Variants in ALK observed in about 807,000 individuals in gnomAD.
The protein encoded by ALK is ALK tyrosine kinase receptor.
Under a neutral mutation model 163.1 loss-of-function variants are expected in ALK, and 74 were observed. The observed-to-expected ratio is 0.45, with a 90% CI of 0.38 to 0.55. The LOEUF is 0.55. Ranked by LOEUF, ALK falls within the 20% of genes least tolerant of loss-of-function variation. The probability of loss-of-function intolerance (pLI) is 0.00; values close to 1 mark genes in which losing one functional copy is unlikely to be tolerated. For synonymous variants in ALK, 960 were observed against 843.2 expected (o/e 1.14, Z -2.40); for missense variants, 2,063 against 2,105.3 (o/e 0.98, Z 0.39).
intron 3 of ALK, among the ~76,000 whole-genome samples, chr2:29,640,161 T>C (rs1676661680): frequency 2.0e-5 from 3 of 152,184 alleles, no homozygotes; most frequent in African/African-American, 7.2e-5. Flanking sequence ...ACCTGGTGGA[T>C]TCTCAAACAT....
intron 1 of ALK, among the ~76,000 whole-genome samples, chr2:29,907,482 T>A (rs1249092978): frequency 2.6e-5 from 4 of 152,230 alleles, no homozygotes; most frequent in African/African-American, 4.8e-5. Context: ...ACTCCGTGAA[T>A]TGCTCTTGGT....
chr2:29,814,865 G>T (rs1264280803), intron 1 of ALK, among the ~76,000 whole-genome samples: 1 of 151,722 alleles, frequency 6.6e-6, no homozygotes. Flanking sequence ...TACTTACAGT[G>T]CCTAGCAACT....
chr2:29,351,421 G>A (rs1293460138), intron 5 of ALK, among the ~76,000 whole-genome samples: 2 of 152,092 alleles, frequency 1.3e-5, no homozygotes, highest in African/African-American at 2.4e-5. Context: ...AGACAAAAGC[G>A]TTAACTGCAT....
At chr2:29,271,620 C>G (rs938521994) in intron 11 of ALK, among the ~76,000 whole-genome samples, 1 of 152,214 alleles carries the variant, frequency 6.6e-6, no homozygotes, top group African/African-American at 2.4e-5. Flanking sequence ...ACATTAACCC[C>G]CCTCATCTGC....
chr2:29,903,482 T>A (rs1355226085), intron 1 of ALK, among the ~76,000 whole-genome samples: 4 of 152,118 alleles, frequency 2.6e-5, no homozygotes, highest in African/African-American at 9.7e-5. Flanking sequence ...GTCCCAACCC[T>A]AACATAAACC....
intron 4 of ALK, among the ~76,000 whole-genome samples, chr2:29,438,416 G>A (rs1281592743): frequency 1.3e-5 from 2 of 152,206 alleles, no homozygotes; most frequent in East Asian, 3.8e-4. Context: ...ATTGGAGATT[G>A]CAGGTGAGAA....
chr2:29,868,824 G>A (rs549520248), intron 1 of ALK, among the ~76,000 whole-genome samples: 4 of 149,522 alleles, frequency 2.7e-5, no homozygotes, highest in East Asian at 2.0e-4. Context: ...ACTTGTGACC[G>A]TGGCAGAGTT....
intron 3 of ALK, among the ~76,000 whole-genome samples, chr2:29,665,793 T>A (rs1208743461): frequency 6.6e-6 from 1 of 152,166 alleles, no homozygotes; most frequent in Non-Finnish European, 1.5e-5. Flanking sequence ...AAGCCTGGGA[T>A]TGGAACCTAC....
intron 1 of ALK, among the ~76,000 whole-genome samples, chr2:29,792,132 C>T (rs1399559741): frequency 6.6e-6 from 1 of 152,092 alleles, no homozygotes; most frequent in Non-Finnish European, 1.5e-5. Context: ...TAGTTTTAAC[C>T]TTTTTTGTTA....
chr2:29,404,835 G>A (rs1290489966), intron 4 of ALK, among the ~76,000 whole-genome samples: 1 of 152,182 alleles, frequency 6.6e-6, no homozygotes, highest in Non-Finnish European at 1.5e-5. Flanking sequence ...AGAGAAAACT[G>A]AAGAAAGATG....
At chr2:29,630,899 C>T (rs540024515) in intron 3 of ALK, among the ~76,000 whole-genome samples, 1 of 152,162 alleles carries the variant, frequency 6.6e-6, no homozygotes, top group Admixed American at 6.6e-5. Flanking sequence ...CATTACTCAT[C>T]CCTCTCTATA....
chr2:29,372,012 A>C lies in ALK; in HGVS notation c.1282+11720T>G, dbSNP rs560051068. On this transcript the variant is annotated intron_variant, in intron 5 of 28. Coordinates refer to ENST00000389048, the MANE Select transcript of ALK (RefSeq NM_004304.5). ...ATCTTAACATTTGCGTGCAGTTTGC[A>C]TTGGAACTCAATACATAGCCATGCT... Among the ~76,000 whole-genome samples, 37 of 152,354 alleles carry C rather than the reference A, an allele frequency of 2.4e-4. No individual in the cohort carries two copies. The East Asian group carries it at 3.7e-3, about 15-fold the overall frequency.
intron 3 of ALK, among the ~76,000 whole-genome samples, chr2:29,576,260 C>T (rs1407242094): frequency 6.6e-6 from 1 of 152,190 alleles, no homozygotes; most frequent in Non-Finnish European, 1.5e-5. Context: ...TACAAGTGTG[C>T]TTGTCAACAA....
intron 1 of ALK, among the ~76,000 whole-genome samples, chr2:29,914,683 C>T (rs1667786307): frequency 6.6e-6 from 1 of 152,216 alleles, no homozygotes; most frequent in African/African-American, 2.4e-5. Flanking sequence ...AGCTGGGCCT[C>T]AATGATTTCA....
Position 29,857,694 on chromosome 2 carries a change from G to T in ALK, c.667+62299C>A, listed in dbSNP as rs73922320. Among the ~76,000 whole-genome samples the T allele has an allele frequency of 8.2e-3, 1,250 of 152,300 alleles. 10 individuals are homozygous for T. The highest frequency in any genetic ancestry group is 0.029 in the African/African-American group (1,192 of 41,562). ...AAGCTGAAGCTAGCAGTACATTCTG[G>T]AGAGTGAGTAGAAACATACTCTCGT... On this transcript the variant is annotated intron_variant, in intron 1 of 28. Transcript: ENST00000389048.
chr2:29,458,129 T>C (rs1671003389), intron 4 of ALK, among the ~76,000 whole-genome samples: 2 of 152,196 alleles, frequency 1.3e-5, no homozygotes, highest in African/African-American at 4.8e-5. Flanking sequence ...TGTTTTACAA[T>C]GTGTATACAT....
At chr2:29,455,688 G>C (rs987228414) in intron 4 of ALK, among the ~76,000 whole-genome samples, 2 of 152,194 alleles carry the variant, frequency 1.3e-5, no homozygotes. Context: ...AGAAAGAAAA[G>C]GTCAAAAACC....
chr2:29,221,075 G>A (rs1419546645), intron 22 of ALK: 2 of 639,236 alleles, frequency 3.1e-6, no homozygotes. Flanking sequence ...GGCTGGAGCT[G>A]TGAGGATGTT....
At chr2:29,848,347 CTTT>C (rs34182049) in intron 1 of ALK, among the ~76,000 whole-genome samples, 2 of 139,162 alleles carry the variant, frequency 1.4e-5, no homozygotes, top group Non-Finnish European at 1.6e-5. Flanking sequence ...TTCAGGAAGG[CTTT>C]TTTTTTTTTT....
Sources: allele counts gnomAD v4.1 joint callset (sites outside exome capture counted in the v4.1 genomes callset), GRCh38; gene constraint gnomAD v4.1.1; transcripts MANE v1.5; gene names NCBI Gene and HGNC (gene_info 2026-07-23, HGNC 2026-07-21).